The following CTNNA3 variants were observed in gnomAD, a reference collection of about 807,000 sequenced individuals.
CTNNA3 encodes catenin alpha 3, also known as catenin alpha-3.
CTNNA3 carries 76 observed loss-of-function variants against 95.7 expected under a neutral mutation model. That is an observed-to-expected ratio of 0.79 (90% CI 0.66 to 0.96). The LOEUF is 0.96. Among genes scored for constraint, CTNNA3 ranks in the 40% least tolerant of loss-of-function variants. CTNNA3 has a pLI of 0.00. For synonymous variants in CTNNA3, 431 were observed against 374.4 expected (o/e 1.15, Z -1.74); for missense variants, 1,191 against 1,089.8 (o/e 1.09, Z -1.31).
At chr10:66,074,232 T>C (rs1319713539) in intron 14 of CTNNA3, among the ~76,000 whole-genome samples, 1 of 151,812 alleles carries the variant, frequency 6.6e-6, no homozygotes, top group Non-Finnish European at 1.5e-5. Context: ...CAAATATATA[T>C]ATATATATTT....
At chr10:67,304,185 C>T (rs1167082283) in intron 5 of CTNNA3, among the ~76,000 whole-genome samples, 1 of 152,218 alleles carries the variant, frequency 6.6e-6, no homozygotes, top group South Asian at 2.1e-4. Flanking sequence ...ACCACTTCAC[C>T]GTGCCCCTAT....
intron 10 of CTNNA3, among the ~76,000 whole-genome samples, chr10:66,570,974 C>A (rs1842852467): frequency 6.6e-6 from 1 of 152,098 alleles, no homozygotes; most frequent in Non-Finnish European, 1.5e-5. Context: ...TAAAATCTGT[C>A]AAAGTGCTGA....
intron 14 of CTNNA3, among the ~76,000 whole-genome samples, chr10:66,069,722 C>T (rs1264292685): frequency 1.3e-5 from 2 of 152,082 alleles, no homozygotes; most frequent in African/African-American, 4.8e-5. Context: ...CACTGTAGAA[C>T]TTGGTGTCCA....
chr10:66,597,758 A>G (rs1027848090), intron 10 of CTNNA3, among the ~76,000 whole-genome samples: 12 of 151,386 alleles, frequency 7.9e-5, no homozygotes, highest in Admixed American at 7.2e-4. Context: ...CTGTCAATCA[A>G]TGATACTTTA....
chr10:66,154,517 G>A, intron 13 of CTNNA3, among the ~76,000 whole-genome samples: 1 of 151,082 alleles, frequency 6.6e-6, no homozygotes, highest in Non-Finnish European at 1.5e-5. Context: ...TTCAAGGGTG[G>A]ATTTTTACAT....
intron 13 of CTNNA3, among the ~76,000 whole-genome samples, chr10:66,216,310 T>C (rs1027183374): frequency 1.3e-5 from 2 of 152,236 alleles, no homozygotes; most frequent in Admixed American, 6.5e-5. Flanking sequence ...AGATCAACAG[T>C]ACTGTGGTAT....
At chr10:66,069,239 G>A in intron 15 of CTNNA3, 69 bp downstream of exon 15, 10 of 1,460,670 alleles carry the variant, frequency 6.8e-6, no homozygotes, top group Non-Finnish European at 9.5e-6. Flanking sequence ...AGAGAATCTT[G>A]AGGTTTCACT....
At position 67,412,127 on chromosome 10, in the gene CTNNA3, T is replaced by C. The variant is rs767752389; in HGVS notation, c.579+109715A>G. Among the ~76,000 whole-genome samples the C allele has an allele frequency of 9.2e-5, 14 of 152,224 alleles. No homozygotes were observed. The Middle Eastern group carries it at 0.014, about 148-fold the overall frequency. ...AGGGCACAAAGTACACTCCATTGAG[T>C]TGGCAAATGCAACATCCTTCTAAAT... On this transcript the variant is annotated intron_variant, in intron 5 of 17. Transcript: ENST00000433211.
chr10:65,986,787 T>G (rs2078436432), intron 16 of CTNNA3, among the ~76,000 whole-genome samples: 1 of 150,752 alleles, frequency 6.6e-6, no homozygotes, highest in Admixed American at 6.6e-5. Context: ...GCTGGAAACA[T>G]CACACGACCT....
In CTNNA3 at chr10:65,914,021, A is replaced by G. The variant is rs542466859; in HGVS notation, c.*6309T>C. 6.6e-6 allele frequency: 1 copy of G among 152,292 alleles called. No individual in the cohort carries two copies. Among genetic ancestry groups the G allele is most frequent in the East Asian group, 1.9e-4 (1 of 5,186 alleles). The allele number at this position is 152,292 out of a possible 1,614,324, so 9.4% of individuals were successfully genotyped here. ...GGAAGTGTCACAGACCTCCAACACCAAATAACCAGAACTAAAAATAACCAT... is the reference window on the plus strand; with the variant it reads ...GGAAGTGTCACAGACCTCCAACACCGAATAACCAGAACTAAAAATAACCAT... On this transcript the variant is annotated 3_prime_UTR_variant, in exon 18 of 18. Transcript: ENST00000433211.
chr10:66,543,921 AT>A (rs1841955130), intron 10 of CTNNA3, among the ~76,000 whole-genome samples: 1 of 31,468 alleles, frequency 3.2e-5, no homozygotes, highest in Admixed American at 3.6e-4. Context: ...GTATATATAT[AT>A]ATATATATAT....
chr10:66,744,172 A>G (rs181165949), intron 9 of CTNNA3, among the ~76,000 whole-genome samples: 4 of 152,134 alleles, frequency 2.6e-5, no homozygotes, highest in Admixed American at 2.6e-4. Context: ...GAAACTTTGG[A>G]TCACTTTTTA....
chr10:67,623,189 C>G (rs1331948100), intron 2 of CTNNA3, among the ~76,000 whole-genome samples: 1 of 152,096 alleles, frequency 6.6e-6, no homozygotes, highest in African/African-American at 2.4e-5. Context: ...TCAAAATGAC[C>G]TATAGAAATG....
chr10:67,750,403 T>G, intron 1 of CTNNA3: 1 of 1,487,874 alleles, frequency 6.7e-7, no homozygotes. Context: ...ATGCAGGATA[T>G]CGCCACATTG....
chr10:66,801,713 T>C (rs1438015349), intron 7 of CTNNA3, among the ~76,000 whole-genome samples: 2 of 151,576 alleles, frequency 1.3e-5, no homozygotes, highest in Non-Finnish European at 3.0e-5. Flanking sequence ...ACAATCACAA[T>C]TAAAATCCAG....
intron 1 of CTNNA3, among the ~76,000 whole-genome samples, chr10:67,709,132 G>C (rs953473444): frequency 2.3e-4 from 35 of 152,086 alleles, no homozygotes; most frequent in Admixed American, 7.9e-4. Flanking sequence ...AGGATGCACT[G>C]TTGTATTGTC....
intron 11 of CTNNA3, among the ~76,000 whole-genome samples, chr10:66,429,274 C>A (rs192768176): frequency 2.0e-5 from 3 of 151,736 alleles, no homozygotes; most frequent in African/African-American, 7.3e-5. Flanking sequence ...AGCTTACCAA[C>A]AAAAAAAGTC....
chr10:65,942,989 A>G (rs1786935), intron 17 of CTNNA3, among the ~76,000 whole-genome samples: 106,546 of 151,900 alleles, frequency 0.7, 37,669 homozygotes, highest in Middle Eastern at 0.8. Context: ...ACATTTTCCG[A>G]TATATAACAA....
rs182801853 is a variant in CTNNA3 at position 66,392,685 on chromosome 10, T to C, written c.1532-13333A>G. On this transcript the variant is annotated intron_variant, in intron 11 of 17. Coordinates refer to ENST00000433211, the MANE Select transcript of CTNNA3 (RefSeq NM_013266.4). The stretch of plus-strand genomic sequence containing the variant: ...AGGAATTTCAATTCAAAACAACACA[T>C]GGCCCATCTATTAGAATGACTAAAA... Among the ~76,000 whole-genome samples the C allele has an allele frequency of 5.4e-3, 825 of 152,110 alleles. 9 individuals carry two copies. The highest frequency in any genetic ancestry group is 0.014 in the African/African-American group (576 of 41,532).
Sources: gnomAD v4.1 joint callset for allele counts (sites outside exome capture counted in the v4.1 genomes callset) on GRCh38, gnomAD v4.1.1 for gene constraint, MANE v1.5 for transcripts, NCBI Gene and HGNC (gene_info 2026-07-23, HGNC 2026-07-21) for gene names.